The following MEGF11 variants were observed in gnomAD, a reference collection of about 807,000 sequenced individuals.
MEGF11 encodes multiple EGF like domains 11.
Under a neutral mutation model 146.6 loss-of-function variants are expected in MEGF11, and 126 were observed. That is an observed-to-expected ratio of 0.86 (90% CI 0.74 to 1.00). The LOEUF (loss-of-function observed/expected upper bound fraction) is 1.00, where lower values mean the gene tolerates loss of function less well. MEGF11 is among the 50% of genes least tolerant of loss of function. The pLI is 0.00. For missense variants in MEGF11, 1,509 were observed against 1,521.2 expected, an observed-to-expected ratio of 0.99 and a Z score of 0.13; for synonymous variants, 532 against 583.4, an observed-to-expected ratio of 0.91 and a Z score of 1.27.
intron 5 of MEGF11, among the ~76,000 whole-genome samples, chr15:66,079,750 TGC>T (rs1181565513): frequency 6.6e-6 from 1 of 152,078 alleles, no homozygotes; most frequent in Non-Finnish European, 1.5e-5. Flanking sequence ...CGCTCTCAGG[TGC>T]GTTTACCTGG....
intron 22 of MEGF11, 93 bp downstream of exon 22, chr15:65,909,647 A>G: frequency 1.5e-6 from 2 of 1,291,062 alleles, no homozygotes; most frequent in South Asian, 2.6e-5. Flanking sequence ...TTCAGAACTC[A>G]TAACCCTGTC....
intron 1 of MEGF11, among the ~76,000 whole-genome samples, chr15:66,191,950 C>T (rs545211394): frequency 1.1e-3 from 173 of 151,986 alleles, no homozygotes; most frequent in African/African-American, 3.8e-3. Flanking sequence ...TGGTGGCACG[C>T]GCCTGTAATC....
Position 65,932,187 on chromosome 15 carries a change from C to T in MEGF11, c.1288-1244G>A, listed in dbSNP as rs1393389117. Among the ~76,000 whole-genome samples the T allele has an allele frequency of 2.6e-5, 4 of 152,232 alleles. No individual in the cohort carries two copies. In the East Asian group the frequency reaches 5.8e-4, roughly 22 times the overall value. On this transcript the variant is annotated intron_variant, in intron 10 of 25. Transcript: ENST00000395614. ...CAGGAAGCTCTGAAGCTGAGATGACCCCTGGAGTTGTCCCACATGGGGGTA... is the reference window on the plus strand; with the variant it reads ...CAGGAAGCTCTGAAGCTGAGATGACTCCTGGAGTTGTCCCACATGGGGGTA...
intron 5 of MEGF11, among the ~76,000 whole-genome samples, chr15:66,070,697 C>T (rs1428692044): frequency 1.3e-5 from 2 of 152,108 alleles, no homozygotes; most frequent in Admixed American, 1.3e-4. Flanking sequence ...CACCCCGCAG[C>T]AGCGGGGAGG....
intron 5 of MEGF11, among the ~76,000 whole-genome samples, chr15:66,030,089 T>A (rs559236924): frequency 5.3e-5 from 8 of 152,356 alleles, no homozygotes; most frequent in Non-Finnish European, 1.0e-4. Flanking sequence ...GCAATCTTGC[T>A]TCTGACAGTG....
Position 65,971,092 on chromosome 15 carries a change from G to A in MEGF11, c.763-403C>T, listed in dbSNP as rs189588556. ...GGCTGAGTAAACATGCTGGTATGGA[G>A]ACGTGCACTTTGCTCAGCTTCTTTC... is the stretch of plus-strand genomic sequence containing the variant. On this transcript the variant is annotated intron_variant, in intron 7 of 25. Transcript: ENST00000395614. 2.1e-4 allele frequency: 38 copies of A among 179,430 alleles called. No homozygotes were observed. In the East Asian group the frequency reaches 4.9e-3, roughly 23 times the overall value. 11.1% of individuals were successfully genotyped at this position (179,430 alleles called of 1,614,324 possible).
chr15:66,008,827 GAA>G (rs35381735), intron 5 of MEGF11, among the ~76,000 whole-genome samples: 15 of 144,040 alleles, frequency 1.0e-4, no homozygotes, highest in African/African-American at 3.6e-4. Context: ...CTGTCTCTTA[GAA>G]AAAAAAAAAA....
intron 5 of MEGF11, among the ~76,000 whole-genome samples, chr15:66,071,596 G>A (rs1172056297): frequency 6.6e-6 from 1 of 152,212 alleles, no homozygotes; most frequent in Non-Finnish European, 1.5e-5. Context: ...AGCTGCATCG[G>A]GGATCTGTCA....
chr15:65,925,150 A>G (rs1334328200), intron 13 of MEGF11, among the ~76,000 whole-genome samples: 4 of 152,234 alleles, frequency 2.6e-5, no homozygotes, highest in African/African-American at 7.2e-5. Context: ...AACACAGTGT[A>G]TGTGAAAGCA....
At chr15:66,173,973 C>A (rs1182941837) in intron 1 of MEGF11, among the ~76,000 whole-genome samples, 1 of 152,204 alleles carries the variant, frequency 6.6e-6, no homozygotes, top group Admixed American at 6.5e-5. Context: ...TCCTCTATAG[C>A]CTGAGACATG....
intron 13 of MEGF11, among the ~76,000 whole-genome samples, chr15:65,923,677 G>A (rs1234678538): frequency 6.6e-6 from 1 of 152,226 alleles, no homozygotes; most frequent in Non-Finnish European, 1.5e-5. Flanking sequence ...TAAAATGCTA[G>A]TTGTAACCCA....
chr15:66,105,026 T>C (rs905374895), intron 4 of MEGF11, among the ~76,000 whole-genome samples: 4 of 152,040 alleles, frequency 2.6e-5, no homozygotes, highest in Admixed American at 6.6e-5. Flanking sequence ...CATTTGACTT[T>C]GGGGCTGAAG....
At chr15:66,243,754 A>C (rs2140246568) in intron 1 of MEGF11, among the ~76,000 whole-genome samples, 1 of 152,262 alleles carries the variant, frequency 6.6e-6, no homozygotes, top group South Asian at 2.1e-4. Context: ...CAGGCAAGTC[A>C]GGCAGGGGAA....
intron 10 of MEGF11, among the ~76,000 whole-genome samples, chr15:65,942,884 A>G (rs868609606): frequency 2.0e-5 from 3 of 151,694 alleles, no homozygotes; most frequent in Non-Finnish European, 4.4e-5. Context: ...CATTGACAGC[A>G]TATGACCCTA....
chr15:65,965,690 G>T (rs1252459316), intron 8 of MEGF11, among the ~76,000 whole-genome samples: 1 of 141,428 alleles, frequency 7.1e-6, no homozygotes, highest in Non-Finnish European at 1.5e-5. Flanking sequence ...TGGAAGCAGA[G>T]ATTGGGGCCC....
rs376499270 is a variant in MEGF11 at position 66,151,188 on chromosome 15, C to T, written c.-8-22777G>A. Among the ~76,000 whole-genome samples, 7 of 152,274 alleles carry T rather than the reference C, an allele frequency of 4.6e-5. No individual in the cohort carries two copies. In the South Asian group the frequency reaches 6.2e-4, roughly 14 times the overall value. On this transcript the variant is annotated intron_variant, in intron 1 of 25. Transcript: ENST00000395614. ...CTAACCCTAAAACACAGGCTGCATG[C>T]GGAAAGCCACAAAGCCCTGACCAAA...
intron 1 of MEGF11, among the ~76,000 whole-genome samples, chr15:66,222,534 C>T (rs76364796): frequency 0.022 from 3,367 of 152,248 alleles, 141 homozygotes; most frequent in African/African-American, 0.075. Context: ...TGTTCGTCTC[C>T]CGCACAATTA....
At chr15:65,984,180 G>A (rs2081762657) in intron 5 of MEGF11, among the ~76,000 whole-genome samples, 1 of 152,128 alleles carries the variant, frequency 6.6e-6, no homozygotes, top group South Asian at 2.1e-4. Flanking sequence ...ATTACAGTGA[G>A]TAAAGCAAAA....
At chr15:66,120,492 G>A (rs1004534624) in intron 3 of MEGF11, among the ~76,000 whole-genome samples, 4 of 152,176 alleles carry the variant, frequency 2.6e-5, no homozygotes, top group South Asian at 2.1e-4. Flanking sequence ...CATCAGAGAC[G>A]CCTATAGGCT....
Sources: gnomAD v4.1 joint callset for allele counts (sites outside exome capture counted in the v4.1 genomes callset) on GRCh38, gnomAD v4.1.1 for gene constraint, MANE v1.5 for transcripts, NCBI Gene and HGNC (gene_info 2026-07-23, HGNC 2026-07-21) for gene names.